WSB1: variants seen among roughly 807,000 people sequenced by gnomAD.
WSB1 encodes the protein WD repeat and SOCS box containing 1.
Under a neutral mutation model 50.2 loss-of-function variants are expected in WSB1, and 23 were observed. The observed-to-expected ratio is 0.46, with a 90% CI of 0.33 to 0.65. The LOEUF is 0.65. Among genes scored for constraint, WSB1 ranks in the 30% least tolerant of loss-of-function variants. The probability of loss-of-function intolerance (pLI) is 0.02; values close to 1 mark genes in which losing one functional copy is unlikely to be tolerated. For missense variants in WSB1, 492 were observed against 522.3 expected (o/e 0.94, Z 0.56); for synonymous variants, 179 against 172.0 (o/e 1.04, Z -0.32).
rs1491294749 is a variant in WSB1 at position 27,311,634 on chromosome 17, T to TC, written c.1106+18_1106+19insC. On this transcript the variant is annotated intron_variant, in intron 8 of 8. Transcript: ENST00000262394. ...GCTGCTGGGTAAATATATTTTTCTC[T>TC]TTTTTTTTTTTTTTTTTTTTTTTTT... 13 of 164,542 alleles carry TC rather than the reference T, an allele frequency of 7.9e-5. No individual in the cohort carries two copies. Among genetic ancestry groups the TC allele is most frequent in the Non-Finnish European group, 1.2e-4 (12 of 101,562 alleles). 10.2% of individuals were successfully genotyped at this position (164,542 alleles called of 1,614,324 possible).
At chr17:27,306,464 C>T (rs1441919337) in intron 4 of WSB1, among the ~76,000 whole-genome samples, 8 of 152,086 alleles carry the variant, frequency 5.3e-5, no homozygotes, top group African/African-American at 1.7e-4. Flanking sequence ...GTCCACCTGC[C>T]TCAGCCTCTC....
chr17:27,308,154 A>C, intron 5 of WSB1: 2 of 1,010,176 alleles, frequency 2.0e-6, no homozygotes, highest in South Asian at 9.3e-5. Context: ...TCTTTGATTC[A>C]ATTTAAAATT....
At chr17:27,296,054 G>A (rs988590874) in intron 1 of WSB1, among the ~76,000 whole-genome samples, 1 of 151,994 alleles carries the variant, frequency 6.6e-6, no homozygotes, top group Non-Finnish European at 1.5e-5. Flanking sequence ...GGCTGGTCTC[G>A]AACTCCCGAC....
intron 1 of WSB1, among the ~76,000 whole-genome samples, chr17:27,300,632 A>G (rs1377259060): frequency 6.6e-6 from 1 of 151,918 alleles, no homozygotes; most frequent in Non-Finnish European, 1.5e-5. Flanking sequence ...TTTGAGGCCT[A>G]TTAGGAAGAC....
In WSB1 at chr17:27,311,629, T is replaced by TTC. The variant is rs376158513; in HGVS notation, c.1106+17_1106+18dup. Reference sequence around the variant, plus strand: ...TTTTAGCTGCTGGGTAAATATATTTTTCTCTTTTTTTTTTTTTTTTTTTTT... The same window carrying TTC: ...TTTTAGCTGCTGGGTAAATATATTTTTCTCTCTTTTTTTTTTTTTTTTTTTTT... On this transcript the variant is annotated intron_variant, in intron 8 of 8. Transcript: ENST00000262394. The TTC allele has an allele frequency of 2.0e-6, 3 of 1,505,966 alleles. No individual in the cohort carries two copies. The highest frequency in any genetic ancestry group is 1.3e-5 in the South Asian group (1 of 79,980). 93.3% of individuals were successfully genotyped at this position (1,505,966 alleles called of 1,614,324 possible). A position where few individuals can be genotyped will look rare whatever the true frequency, so the allele number is the denominator to read the frequency against.
chr17:27,302,061 G>A (rs970968200), intron 2 of WSB1, 105 bp downstream of exon 2: 5 of 1,311,742 alleles, frequency 3.8e-6, no homozygotes, highest in Non-Finnish European at 5.1e-6. Flanking sequence ...TTACTTTATA[G>A]ATGATGTCGT....
Position 27,312,303 on chromosome 17 carries a change from C to T in WSB1, c.1200C>T (p.Pro400=), listed in dbSNP as rs61761626. ...LCRMSIRRVM[P]TQEVQELPIP... is the part of the protein sequence containing the mutation. ...GCATGTCAATCCGAAGAGTGATGCCCACCCAAGAAGTTCAGGAGCTGCCGA... is the reference window on the plus strand; with the variant it reads ...GCATGTCAATCCGAAGAGTGATGCCTACCCAAGAAGTTCAGGAGCTGCCGA... The change falls in exon 9 of 9, where the codon CCC becomes CCT. Residue 400 remains proline (P), a synonymous_variant. Coordinates refer to ENST00000262394, the MANE Select transcript of WSB1 (RefSeq NM_015626.10). 0.011 allele frequency: 18,151 copies of T among 1,614,122 alleles called. 242 individuals are homozygous for T. The highest frequency in any genetic ancestry group is 0.047 in the South Asian group (4,291 of 91,040).
chr17:27,294,228 G>C lies in WSB1; in HGVS notation c.-168G>C. On this transcript the variant is annotated 5_prime_UTR_variant, in exon 1 of 9. Coordinates refer to ENST00000262394, the MANE Select transcript of WSB1 (RefSeq NM_015626.10). ...CCGTACTTTGGTCTGAGGCCTTCGGGAGCTTTCCCGAGGCAGTTAGCAGAA... is the reference window on the plus strand; with the variant it reads ...CCGTACTTTGGTCTGAGGCCTTCGGCAGCTTTCCCGAGGCAGTTAGCAGAA... The C allele has an allele frequency of 1.2e-6, 1 of 844,352 alleles. No homozygotes were observed. The allele number at this position is 844,352 out of a possible 1,614,324, so 52.3% of individuals were successfully genotyped here.
At chr17:27,303,310 C>T in intron 2 of WSB1, 57 bp from the exon 3 acceptor site, 1 of 1,556,982 alleles carries the variant, frequency 6.4e-7, no homozygotes. Context: ...TATTCAATGT[C>T]CAGAGGAGTC....
At position 27,309,119 on chromosome 17, in the gene WSB1, A is replaced by G. The variant is rs764771559; in HGVS notation, c.731A>G (p.Asp244Gly). 8 of 1,608,664 alleles carry G rather than the reference A, an allele frequency of 5.0e-6. 1 individual carries two copies. The South Asian group carries it at 8.9e-5, about 18-fold the overall frequency. ...ASKAVFLWNMDKYTMIRKLEG... is the reference protein window; with the variant it reads ...ASKAVFLWNMGKYTMIRKLEG... Reference sequence around the variant, plus strand: ...TTGCAGGTTTTCCTTTGGAATATGGATAAATACACCATGATACGGAAACTA... The same window carrying G: ...TTGCAGGTTTTCCTTTGGAATATGGGTAAATACACCATGATACGGAAACTA... Residue 244 changes from aspartate to glycine, a missense_variant, in exon 6 of 9, where the codon GAT becomes GGT. By Grantham distance (94) the Asp-to-Gly change is moderately conservative (BLOSUM62 -1). Coordinates refer to ENST00000262394, the MANE Select transcript of WSB1 (RefSeq NM_015626.10).
Position 27,294,316 on chromosome 17 carries a change from T to A in WSB1, c.-80T>A. ...GGGCCCGGGAGGGACCAACTTGGCG[T>A]CACGCCCCTCAGCGGTCGCCACTCT... On this transcript the variant is annotated 5_prime_UTR_variant, in exon 1 of 9. Coordinates refer to ENST00000262394, the MANE Select transcript of WSB1 (RefSeq NM_015626.10). The A allele has an allele frequency of 6.4e-7, 1 of 1,572,726 alleles. No individual in the cohort carries two copies. The highest frequency in any genetic ancestry group is 8.7e-7 in the Non-Finnish European group (1 of 1,151,412).
chr17:27,307,447 C>T, intron 5 of WSB1: 2 of 428,290 alleles, frequency 4.7e-6, no homozygotes, highest in Non-Finnish European at 8.4e-6. Flanking sequence ...AGTTGTTTAC[C>T]AGCTCTGTTA....
At position 27,294,288 on chromosome 17, in the gene WSB1, C is replaced by T; in HGVS notation, c.-108C>T. 1.4e-6 allele frequency: 2 copies of T among 1,474,926 alleles called. No individual in the cohort carries two copies. Among genetic ancestry groups the T allele is most frequent in the Non-Finnish European group, 1.8e-6 (2 of 1,081,634 alleles). The allele number at this position is 1,474,926 out of a possible 1,614,324, so 91.4% of individuals were successfully genotyped here. ...GCCGCCCCCGCCCGTCTCCTCTGTC[C>T]CTGGGCCCGGGAGGGACCAACTTGG... is the stretch of plus-strand genomic sequence containing the variant. On this transcript the variant is annotated 5_prime_UTR_variant, in exon 1 of 9. Transcript: ENST00000262394.
At chr17:27,303,258 CATT>C in intron 2 of WSB1, 106 bp from the exon 3 acceptor site, 1 of 1,228,300 alleles carries the variant, frequency 8.1e-7, no homozygotes, top group Non-Finnish European at 1.1e-6. Flanking sequence ...TATTTGGTGT[CATT>C]ATAATAATAT....
At position 27,312,289 on chromosome 17, in the gene WSB1, C is replaced by T. The variant is rs753744412; in HGVS notation, c.1186C>T (p.Arg396Ter). Residue 396 changes from arginine to a stop codon, truncating the protein, a stop_gained, in exon 9 of 9, where the codon CGA (arginine) becomes TGA (stop). Coordinates refer to ENST00000262394, the MANE Select transcript of WSB1 (RefSeq NM_015626.10). LOFTEE classifies it high-confidence loss of function. ...SLQHLCRMSIRRVMPTQEVQE... is the reference protein window; with the variant it reads ...SLQHLCRMSI ...GCAACATTTATGTCGCATGTCAATC[C>T]GAAGAGTGATGCCCACCCAAGAAGT... 6.2e-7 allele frequency: 1 copy of T among 1,614,152 alleles called. No homozygotes were observed. Among genetic ancestry groups the T allele is most frequent in the Admixed American group, 1.7e-5 (1 of 59,994 alleles).
chr17:27,313,334 G>T lies in WSB1; in HGVS notation c.*965G>T, dbSNP rs1471232339. 1.3e-5 allele frequency: 2 copies of T among 149,966 alleles called. No individual in the cohort carries two copies. The highest frequency in any genetic ancestry group is 5.0e-5 in the African/African-American group (2 of 40,336). 9.3% of individuals were successfully genotyped at this position (149,966 alleles called of 1,614,324 possible). The stretch of plus-strand genomic sequence containing the variant: ...AGCAGCTTACTAGTTTACCCTTGTG[G>T]TATAAAGTATTATAAATTGTTGTGA... On this transcript the variant is annotated 3_prime_UTR_variant, in exon 9 of 9. Transcript: ENST00000262394.
chr17:27,308,697 T>C, intron 5 of WSB1: 1 of 987,156 alleles, frequency 1.0e-6, no homozygotes, highest in Non-Finnish European at 1.2e-6. Flanking sequence ...ACGTTTTCTG[T>C]CTGTATATTT....
chr17:27,303,254 G>T, intron 2 of WSB1, 113 bp from the exon 3 acceptor site: 3 of 1,160,620 alleles, frequency 2.6e-6, no homozygotes, highest in Non-Finnish European at 3.6e-6. Context: ...TTGTTATTTG[G>T]TGTCATTATA....
intron 7 of WSB1, 39 bp downstream of exon 7, chr17:27,310,213 C>G (rs751767985): frequency 2.5e-6 from 4 of 1,577,432 alleles, no homozygotes; most frequent in Non-Finnish European, 3.5e-6. Context: ...CTTACTATTA[C>G]CTTTTACATT....
Sources: gnomAD v4.1 joint callset for allele counts (sites outside exome capture counted in the v4.1 genomes callset) on GRCh38, gnomAD v4.1.1 for gene constraint, MANE v1.5 for transcripts, NCBI Gene and HGNC (gene_info 2026-07-23, HGNC 2026-07-21) for gene names.